The following INPP4B variants were observed in gnomAD, a reference collection of about 807,000 sequenced individuals.
The protein encoded by INPP4B is inositol polyphosphate-4-phosphatase type II B, also known as inositol polyphosphate 4-phosphatase type II.
A neutral mutation model predicts 122.5 loss-of-function variants in INPP4B; 55 were observed. That is an observed-to-expected ratio of 0.45 (90% CI 0.36 to 0.56). INPP4B has a LOEUF of 0.56. Ranked by LOEUF, INPP4B falls within the 20% of genes least tolerant of loss-of-function variation. The probability of loss-of-function intolerance (pLI) is 0.00; values close to 1 mark genes in which losing one functional copy is unlikely to be tolerated. For synonymous variants in INPP4B, 403 were observed against 388.7 expected (o/e 1.04, Z -0.43); for missense variants, 1,000 against 1,097.7 (o/e 0.91, Z 1.26).
chr4:142,626,663 G>T (rs1327768140), intron 2 of INPP4B, among the ~76,000 whole-genome samples: 2 of 151,978 alleles, frequency 1.3e-5, no homozygotes, highest in African/African-American at 4.8e-5. Flanking sequence ...CTCACCTATA[G>T]AACCATGAAC....
chr4:142,076,451 C>A (rs1190561265), intron 25 of INPP4B, among the ~76,000 whole-genome samples: 2 of 151,956 alleles, frequency 1.3e-5, no homozygotes, highest in Admixed American at 6.6e-5. Context: ...CAAATAAGGT[C>A]AATTTTCATG....
chr4:142,726,094 C>T (rs1413178258), intron 1 of INPP4B, among the ~76,000 whole-genome samples, 193 bp from the exon 2 acceptor site: 4 of 152,182 alleles, frequency 2.6e-5, no homozygotes, highest in African/African-American at 9.7e-5. Flanking sequence ...TGTCCTTTCT[C>T]CCTTACAGCT....
intron 14 of INPP4B, among the ~76,000 whole-genome samples, chr4:142,194,742 C>T (rs1326604403): frequency 6.6e-6 from 1 of 152,180 alleles, no homozygotes; most frequent in African/African-American, 2.4e-5. Context: ...GAACCTGAGT[C>T]GCTGGCTTTG....
At chr4:142,291,123 T>C (rs1181212350) in intron 9 of INPP4B, among the ~76,000 whole-genome samples, 1 of 152,188 alleles carries the variant, frequency 6.6e-6, no homozygotes, top group East Asian at 1.9e-4. Context: ...AAGGGCTATC[T>C]TCCAGGAACA....
intron 2 of INPP4B, among the ~76,000 whole-genome samples, chr4:142,705,620 G>A (rs1185124483): frequency 2.6e-5 from 4 of 151,982 alleles, no homozygotes; most frequent in Non-Finnish European, 4.4e-5. Flanking sequence ...TAATGGTTCC[G>A]AGCATGAGTC....
chr4:142,299,273 A>C (rs7434329), intron 9 of INPP4B, among the ~76,000 whole-genome samples: 14,637 of 150,854 alleles, frequency 0.097, 748 homozygotes, highest in South Asian at 0.17. Flanking sequence ...GGGATCCTCC[A>C]ACCACAGCCT....
intron 10 of INPP4B, among the ~76,000 whole-genome samples, chr4:142,262,786 T>C (rs1740716863): frequency 6.6e-6 from 1 of 152,068 alleles, no homozygotes; most frequent in South Asian, 2.1e-4. Context: ...AATTTTATAT[T>C]TGGAGGAAAT....
chr4:142,152,373 C>A (rs943899142), intron 17 of INPP4B, among the ~76,000 whole-genome samples: 2 of 151,998 alleles, frequency 1.3e-5, no homozygotes, highest in South Asian at 2.1e-4. Context: ...CCGCACCCGG[C>A]ACTTTTTTTT....
intron 1 of INPP4B, among the ~76,000 whole-genome samples, chr4:142,834,874 G>A (rs1355363654): frequency 6.6e-6 from 1 of 152,144 alleles, no homozygotes; most frequent in African/African-American, 2.4e-5. Flanking sequence ...CATTGTTCTT[G>A]TTGCTTCAAA....
chr4:142,323,613 T>C (rs1037816613), intron 7 of INPP4B, among the ~76,000 whole-genome samples: 6 of 151,814 alleles, frequency 4.0e-5, no homozygotes, highest in African/African-American at 1.2e-4. Flanking sequence ...GCCTGGCTAA[T>C]TTTTTGTATT....
At chr4:142,076,319 C>T (rs917805446) in intron 25 of INPP4B, among the ~76,000 whole-genome samples, 1 of 151,986 alleles carries the variant, frequency 6.6e-6, no homozygotes, top group African/African-American at 2.4e-5. Flanking sequence ...CCAGAAAGAT[C>T]AGTTCTCTTT....
rs148371542 is a variant in INPP4B at position 142,192,354 on chromosome 4, A to AAAAAAAAAAAAAG, written c.1181+732_1181+733insCTTTTTTTTTTTT. 2.4e-3 allele frequency among the ~76,000 whole-genome samples: 173 copies of AAAAAAAAAAAAAG among 73,174 alleles called. 44 individuals are homozygous for AAAAAAAAAAAAAG. The highest frequency in any genetic ancestry group is 3.1e-3 in the Non-Finnish European group (112 of 35,794). 48.0% of individuals were successfully genotyped at this position (73,174 alleles called of 152,430 possible). A position where few individuals can be genotyped will look rare whatever the true frequency, so the allele number is the denominator to read the frequency against. ...AAAGTAAAAAAAAAAAAAAAAAAAA[A>AAAAAAAAAAAAAG]TGGGATTCTTAAGAAGAATAACTAT... is the stretch of plus-strand genomic sequence containing the variant. On this transcript the variant is annotated intron_variant, in intron 15 of 25. Coordinates refer to ENST00000262992, the MANE Select transcript of INPP4B (RefSeq NM_001101669.3).
chr4:142,300,284 T>TAA (rs1487546261), intron 9 of INPP4B, among the ~76,000 whole-genome samples: 2 of 152,192 alleles, frequency 1.3e-5, no homozygotes, highest in Non-Finnish European at 2.9e-5. Flanking sequence ...ACTATGCTTG[T>TAA]ATAGAAGACG....
chr4:142,442,129 C>T (rs988668408), intron 3 of INPP4B, among the ~76,000 whole-genome samples: 2 of 151,806 alleles, frequency 1.3e-5, no homozygotes, highest in African/African-American at 4.8e-5. Context: ...AAAACATGGG[C>T]CAGGCACGGT....
At position 142,206,924 on chromosome 4, in the gene INPP4B, C is replaced by T. The variant is rs116030462; in HGVS notation, c.1072+1501G>A. Among the ~76,000 whole-genome samples, 614 of 152,150 alleles carry T rather than the reference C, an allele frequency of 4.0e-3. 8 individuals carry two copies. The highest frequency in any genetic ancestry group is 0.014 in the African/African-American group (573 of 41,528). ...AGGACTTATTCATTTTGCATAACTG[C>T]GACTGTGTACCTTTGACTAATACCT... On this transcript the variant is annotated intron_variant, in intron 14 of 25. Coordinates refer to ENST00000262992, the MANE Select transcript of INPP4B (RefSeq NM_001101669.3).
chr4:142,376,814 A>C (rs1792043076), intron 7 of INPP4B, among the ~76,000 whole-genome samples: 1 of 152,048 alleles, frequency 6.6e-6, no homozygotes, highest in Non-Finnish European at 1.5e-5. Context: ...CAAATTACTC[A>C]AATTCAGTTT....
chr4:142,175,416 T>C (rs1219272), intron 15 of INPP4B, among the ~76,000 whole-genome samples: 113,165 of 151,886 alleles, frequency 0.75, 43,391 homozygotes, highest in Non-Finnish European at 0.83. Context: ...TATTTACTTA[T>C]TTAGTAAAAG....
At chr4:142,200,256 T>C (rs1907141) in intron 14 of INPP4B, among the ~76,000 whole-genome samples, 82,674 of 151,684 alleles carry the variant, frequency 0.55, 26,773 homozygotes, top group Non-Finnish European at 0.71. Context: ...CCTTTATGTA[T>C]ACCTATTCTA....
chr4:142,456,232 A>C (rs1815388981), intron 3 of INPP4B, among the ~76,000 whole-genome samples: 1 of 152,114 alleles, frequency 6.6e-6, no homozygotes, highest in East Asian at 1.9e-4. Context: ...TGCCCAGAAC[A>C]ATGTCCTGGA....
Sources: gnomAD v4.1 joint callset for allele counts (sites outside exome capture counted in the v4.1 genomes callset) on GRCh38, gnomAD v4.1.1 for gene constraint, MANE v1.5 for transcripts, NCBI Gene and HGNC (gene_info 2026-07-23, HGNC 2026-07-21) for gene names.